Variants in MED17 observed in about 807,000 individuals in gnomAD.
MED17 encodes mediator of RNA polymerase II transcription subunit 17.
A neutral mutation model predicts 80.8 loss-of-function variants in MED17; 49 were observed. The ratio of observed to expected loss-of-function variants is 0.61; its 90% CI spans 0.48 to 0.77. The LOEUF (loss-of-function observed/expected upper bound fraction) is 0.77, where lower values mean the gene tolerates loss of function less well. MED17 is among the 30% of genes least tolerant of loss of function. The pLI is 0.00. For synonymous variants in MED17, 281 were observed against 280.4 expected (o/e 1.00, Z -0.02); for missense variants, 718 against 787.0 (o/e 0.91, Z 1.05).
Position 93,784,637 on chromosome 11 carries a change from C to G in MED17, c.124C>G (p.Arg42Gly). The change falls in exon 1 of 12, where the codon CGT becomes GGT. Residue 42 changes from arginine (R) to glycine (G), a missense_variant. Transcript: ENST00000251871. ...GCTGTCCATGTCGCAGAATCTGGCG[C>G]GTCTGGCCCAGCGGATAGACTTCAG... ...PPLSMSQNLA[R>G]LAQRIDFSQG... The G allele has an allele frequency of 6.3e-7, 1 of 1,581,494 alleles. No individual in the cohort carries two copies. Among genetic ancestry groups the G allele is most frequent in the Non-Finnish European group, 8.6e-7 (1 of 1,164,878 alleles).
intron 9 of MED17, among the ~76,000 whole-genome samples, chr11:93,803,051 T>G (rs752390788): frequency 6.6e-6 from 1 of 152,156 alleles, no homozygotes; most frequent in African/African-American, 2.4e-5. Context: ...AATGCTGTTG[T>G]CCAGGCTGAT....
intron 9 of MED17, among the ~76,000 whole-genome samples, chr11:93,805,137 C>G (rs1252612027): frequency 6.6e-6 from 1 of 152,206 alleles, no homozygotes; most frequent in East Asian, 1.9e-4. Flanking sequence ...AGATCTACCT[C>G]ATTTTTTTCT....
intron 9 of MED17, among the ~76,000 whole-genome samples, chr11:93,805,676 T>G (rs1381097623): frequency 6.6e-6 from 1 of 152,220 alleles, no homozygotes; most frequent in Non-Finnish European, 1.5e-5. Flanking sequence ...TAGTGAGTGA[T>G]AAGAAACCCT....
intron 9 of MED17, chr11:93,806,269 C>G (rs1944024656): frequency 6.6e-6 from 1 of 152,010 alleles, no homozygotes; most frequent in Non-Finnish European, 1.5e-5. Context: ...CTGTGCCCAG[C>G]CTTTATTTTT....
At chr11:93,796,751 T>G (rs547968932) in intron 7 of MED17, among the ~76,000 whole-genome samples, 16 of 152,244 alleles carry the variant, frequency 1.1e-4, no homozygotes, top group Non-Finnish European at 1.6e-4. Flanking sequence ...GTGGTAGAGA[T>G]ACACAGGTTT....
chr11:93,800,360 G>A (rs1943949250), intron 8 of MED17, among the ~76,000 whole-genome samples: 1 of 151,860 alleles, frequency 6.6e-6, no homozygotes, highest in African/African-American at 2.4e-5. Context: ...GTGGCATGGT[G>A]GCTCATGCCT....
chr11:93,796,615 G>A (rs971154904), intron 7 of MED17, 75 bp downstream of exon 7: 10 of 1,507,768 alleles, frequency 6.6e-6, no homozygotes, highest in African/African-American at 5.5e-5. Flanking sequence ...AGCTCCTCTC[G>A]TCTGCTGAGT....
At position 93,807,980 on chromosome 11, in the gene MED17, A is replaced by G. The variant is rs540662134; in HGVS notation, c.1584+345A>G. 8 of 328,100 alleles carry G rather than the reference A, an allele frequency of 2.4e-5. No individual in the cohort carries two copies. In the East Asian group the frequency reaches 6.0e-4, roughly 25 times the overall value. 20.3% of individuals were successfully genotyped at this position (328,100 alleles called of 1,614,324 possible). A position where few individuals can be genotyped will look rare whatever the true frequency, so the allele number is the denominator to read the frequency against. ...TGTTGTAGAAAGTGAAGAAAACTAG[A>G]GAAAGGGAGATCATATAAAAAACTA... On this transcript the variant is annotated intron_variant, in intron 10 of 11. Transcript: ENST00000251871.
chr11:93,812,302 T>G lies in MED17; in HGVS notation c.*238T>G, dbSNP rs1944092616. 5.2e-6 allele frequency: 3 copies of G among 573,208 alleles called. No individual in the cohort carries two copies. The highest frequency in any genetic ancestry group is 9.2e-6 in the Non-Finnish European group (3 of 326,232). The allele number at this position is 573,208 out of a possible 1,614,324, so 35.5% of individuals were successfully genotyped here. On this transcript the variant is annotated 3_prime_UTR_variant, in exon 12 of 12. Transcript: ENST00000251871. ...TATGACAAGATGTAAAATAATATGT[T>G]TTTCATGCAGTTTAAAATATTACTA...
In MED17 at chr11:93,784,343, G is replaced by C; in HGVS notation, c.-171G>C. On this transcript the variant is annotated 5_prime_UTR_variant, in exon 1 of 12. Transcript: ENST00000251871. ...GCGGTGCGTTCTGGGAAAGTTGCTG[G>C]GCCAGCTCCTTTGTTTCCAGTCTGA... The C allele has an allele frequency of 4.6e-6, 4 of 862,498 alleles. No individual in the cohort carries two copies. Among genetic ancestry groups the C allele is most frequent in the Non-Finnish European group, 5.1e-6 (3 of 583,216 alleles). 53.4% of individuals were successfully genotyped at this position (862,498 alleles called of 1,614,324 possible).
chr11:93,801,865 C>T lies in MED17; in HGVS notation c.1359C>T (p.Ser453=). 6.2e-7 allele frequency: 1 copy of T among 1,613,436 alleles called. No individual in the cohort carries two copies. The highest frequency in any genetic ancestry group is 8.5e-7 in the Non-Finnish European group (1 of 1,179,856). Reference sequence around the variant, plus strand: ...CTGCAACCATTGACAGCTTAGCAAGCCGAATTGAGGATCCTCAGATACAGG... The same window carrying T: ...CTGCAACCATTGACAGCTTAGCAAGTCGAATTGAGGATCCTCAGATACAGG... ...RAAATIDSLA[S]RIEDPQIQAH... Residue 453 remains serine (S), a synonymous_variant, in exon 9 of 12, where the codon AGC becomes AGT. Transcript: ENST00000251871.
At chr11:93,804,052 C>CACATAT (rs1172080673) in intron 9 of MED17, among the ~76,000 whole-genome samples, 9 of 147,114 alleles carry the variant, frequency 6.1e-5, no homozygotes, top group Non-Finnish European at 3.0e-5. Context: ...CACACGCACA[C>CACATAT]ACACACACAT....
In MED17 at chr11:93,801,894, A is replaced by G. The variant is rs1245655009; in HGVS notation, c.1388A>G (p.His463Arg). 19 of 1,613,504 alleles carry G rather than the reference A, an allele frequency of 1.2e-5. No individual in the cohort carries two copies. The highest frequency in any genetic ancestry group is 1.5e-5 in the Non-Finnish European group (18 of 1,179,734). Residue 463 changes from histidine to arginine, a missense_variant, in exon 9 of 12, where the codon CAT becomes CGT. Coordinates refer to ENST00000251871, the MANE Select transcript of MED17 (RefSeq NM_004268.5). ...SRIEDPQIQA[H>R]WSNINDVYES... ...ATTGAGGATCCTCAGATACAGGCTC[A>G]TTGGTCAAATATCAATGATGTTTAT...
rs1184041352 is a variant in MED17 at position 93,784,433 on chromosome 11, C to T, written c.-81C>T. On this transcript the variant is annotated 5_prime_UTR_variant, in exon 1 of 12. Transcript: ENST00000251871. Reference sequence around the variant, plus strand: ...CGGCTGCGGGCTTCTGAGTTCCCGGCTCTCCGCAGGGAAGCCTCCTCTTCG... The same window carrying T: ...CGGCTGCGGGCTTCTGAGTTCCCGGTTCTCCGCAGGGAAGCCTCCTCTTCG... The T allele has an allele frequency of 2.7e-6, 4 of 1,503,538 alleles. No individual in the cohort carries two copies. In the Admixed American group the frequency reaches 6.4e-5, roughly 24 times the overall value. 93.1% of individuals were successfully genotyped at this position (1,503,538 alleles called of 1,614,324 possible).
chr11:93,807,133 C>T (rs973947473), intron 9 of MED17: 11 of 191,900 alleles, frequency 5.7e-5, no homozygotes, highest in Middle Eastern at 2.3e-3. Context: ...TTTTTTTGGC[C>T]GGGTGCAGTG....
chr11:93,800,789 A>T (rs640518), intron 8 of MED17: 2 of 151,752 alleles, frequency 1.3e-5, no homozygotes, highest in Non-Finnish European at 2.9e-5. Context: ...CGTGCACGCC[A>T]CTGTGCCCAG....
At position 93,784,610 on chromosome 11, in the gene MED17, C is replaced by A; in HGVS notation, c.97C>A (p.Pro33Thr). 6.2e-7 allele frequency: 1 copy of A among 1,601,502 alleles called. No individual in the cohort carries two copies. Among genetic ancestry groups the A allele is most frequent in the Non-Finnish European group, 8.5e-7 (1 of 1,175,332 alleles). Residue 33 changes from proline to threonine, a missense_variant, in exon 1 of 12, where the codon CCG becomes ACG. Coordinates refer to ENST00000251871, the MANE Select transcript of MED17 (RefSeq NM_004268.5). ...GLDGTETYLP[P>T]LSMSQNLARL... is the part of the protein sequence containing the mutation. ...GGATGGCACCGAGACGTACCTGCCC[C>A]CGCTGTCCATGTCGCAGAATCTGGC...
At chr11:93,792,517 T>G (rs756914602) in intron 3 of MED17, among the ~76,000 whole-genome samples, 1 of 152,216 alleles carries the variant, frequency 6.6e-6, no homozygotes, top group Non-Finnish European at 1.5e-5. Flanking sequence ...TTGTTTTTAA[T>G]TGCAAGAAAA....
chr11:93,809,349 A>T lies in MED17; in HGVS notation c.1585-368A>T, dbSNP rs565285162. On this transcript the variant is annotated intron_variant, in intron 10 of 11. Transcript: ENST00000251871. ...AGCCAGAGGATGTAAGAAGGTATTA[A>T]TGTAACCACGTGTGTCAGCCTCCCA... is the stretch of plus-strand genomic sequence containing the variant. 3.5e-4 allele frequency: 124 copies of T among 354,598 alleles called. 1 individual carries two copies. Among genetic ancestry groups the T allele is most frequent in the African/African-American group, 2.5e-3 (116 of 47,044 alleles). 22.0% of individuals were successfully genotyped at this position (354,598 alleles called of 1,614,324 possible).
Sources: allele counts gnomAD v4.1 joint callset (sites outside exome capture counted in the v4.1 genomes callset), GRCh38; gene constraint gnomAD v4.1.1; transcripts MANE v1.5; gene names NCBI Gene and HGNC (gene_info 2026-07-23, HGNC 2026-07-21).